Variants in NLRP3 observed in about 807,000 individuals in gnomAD.
The protein encoded by NLRP3 is NACHT, LRR and PYD domains-containing protein 3.
NLRP3 carries 48 observed loss-of-function variants against 91.3 expected under a neutral mutation model. The ratio of observed to expected loss-of-function variants is 0.53; its 90% CI spans 0.42 to 0.67. NLRP3 has a LOEUF of 0.67. NLRP3 is among the 30% of genes least tolerant of loss of function. The probability of loss-of-function intolerance (pLI) is 0.00; values close to 1 mark genes in which losing one functional copy is unlikely to be tolerated. For synonymous variants in NLRP3, 561 were observed against 507.9 expected (o/e 1.10, Z -1.41); for missense variants, 982 against 1,276.9 (o/e 0.77, Z 3.52).
chr1:247,445,040 T>G (rs1308464014), intron 9 of NLRP3, among the ~76,000 whole-genome samples: 1 of 152,066 alleles, frequency 6.6e-6, no homozygotes, highest in Non-Finnish European at 1.5e-5. Context: ...CTAAGCTGGA[T>G]TTCACCCACA....
chr1:247,440,095 G>A (rs573561343), intron 7 of NLRP3, among the ~76,000 whole-genome samples: 3 of 24,512 alleles, frequency 1.2e-4, no homozygotes, highest in South Asian at 2.4e-3. Flanking sequence ...TATAGCCTAC[G>A]TGTTAGGTAT....
At chr1:247,429,884 C>G in intron 5 of NLRP3, 129 bp downstream of exon 5, 3 of 1,257,070 alleles carry the variant, frequency 2.4e-6, no homozygotes, top group East Asian at 2.5e-5. Context: ...TTCTTTTTTT[C>G]TTTTTTTGAG....
intron 9 of NLRP3, among the ~76,000 whole-genome samples, chr1:247,445,728 T>G (rs1432342160): frequency 6.6e-6 from 1 of 152,196 alleles, no homozygotes; most frequent in East Asian, 1.9e-4. Flanking sequence ...AAGGCCAACA[T>G]GCTCTCCTGG....
chr1:247,444,827 T>A lies in NLRP3; in HGVS notation c.3005+6T>A. ...TGCCTCCTGCAGAACCTGGGGTGAG[T>A]GTGCTCTGCAGAGATGCCCGTGGTG... On this transcript the variant is annotated splice_donor_region_variant and intron_variant, in intron 9 of 9. Transcript: ENST00000336119. The A allele has an allele frequency of 6.2e-7, 1 of 1,613,518 alleles. No individual in the cohort carries two copies. Among genetic ancestry groups the A allele is most frequent in the East Asian group, 2.2e-5 (1 of 44,880 alleles).
At chr1:247,437,506 C>T (rs974725945) in intron 7 of NLRP3, among the ~76,000 whole-genome samples, 4 of 152,176 alleles carry the variant, frequency 2.6e-5, no homozygotes, top group Admixed American at 2.6e-4. Context: ...ATTTCCTCGC[C>T]TTAGGGTATT....
Position 247,448,151 on chromosome 1 carries a change from AGCACCG to A in NLRP3, c.3006-251_3006-246del, listed in dbSNP as rs1450833329. Among the ~76,000 whole-genome samples the A allele has an allele frequency of 4.6e-5, 7 of 151,566 alleles. No homozygotes were observed. The South Asian group carries it at 1.0e-3, about 23-fold the overall frequency. ...GCTCCCAGTGACGAAGGACACGACG[AGCACCG>A]GCTCCTTGGCCCAGGCATTCTTGAA... On this transcript the variant is annotated intron_variant, in intron 9 of 9. Coordinates refer to ENST00000336119, the MANE Select transcript of NLRP3 (RefSeq NM_001243133.2).
chr1:247,419,571 T>C (rs1308629048), intron 2 of NLRP3, among the ~76,000 whole-genome samples: 1 of 152,206 alleles, frequency 6.6e-6, no homozygotes, highest in African/African-American at 2.4e-5. Flanking sequence ...GAATGATAAC[T>C]CCTCATTGCC....
At chr1:247,428,663 A>C (rs1421302100) in intron 4 of NLRP3, among the ~76,000 whole-genome samples, 1 of 152,134 alleles carries the variant, frequency 6.6e-6, no homozygotes, top group Non-Finnish European at 1.5e-5. Context: ...TAAATAAAAA[A>C]GATCCATATA....
chr1:247,429,557 TTCTG>T lies in NLRP3; in HGVS notation c.2151-20_2151-17del, dbSNP rs375545968. On this transcript the variant is annotated intron_variant, in intron 4 of 9. Transcript: ENST00000336119. ...AGTTATTATTCGAGGCTGATTTCTT[TTCTG>T]TCTGTCTTCCTTCTAATTCCTAGAT... 1.6e-5 allele frequency: 26 copies of T among 1,613,684 alleles called. No individual in the cohort carries two copies. In the South Asian group the frequency reaches 2.7e-4, roughly 17 times the overall value.
chr1:247,425,575 C>T lies in NLRP3; in HGVS notation c.2126C>T (p.Ser709Phe). The T allele has an allele frequency of 6.2e-7, 1 of 1,608,602 alleles. No homozygotes were observed. Among genetic ancestry groups the T allele is most frequent in the Non-Finnish European group, 8.5e-7 (1 of 1,180,006 alleles). The change falls in exon 4 of 10, where the codon TCC becomes TTC. Residue 709 changes from serine to phenylalanine, a missense_variant. By Grantham distance (155) the Ser-to-Phe change is radical. Transcript: ENST00000336119. This position sits in a 1 kb window ranked among gnomAD's most constrained non-coding sequence, Gnocchi z 4.1. ...LDMVQCVLPS[S>F]SHAACSHGLV... is the part of the protein sequence containing the mutation. Reference sequence around the variant, plus strand: ...ATGGTGCAGTGTGTCCTCCCAAGCTCCTCTCATGCTGCCTGTTCTCATGGG... The same window carrying T: ...ATGGTGCAGTGTGTCCTCCCAAGCTTCTCTCATGCTGCCTGTTCTCATGGG...
chr1:247,439,657 T>G lies in NLRP3; in HGVS notation c.2663+3517T>G, dbSNP rs533211581. On this transcript the variant is annotated intron_variant, in intron 7 of 9. Transcript: ENST00000336119. ...TACTGGGGCCTAGGACTTCCACATA[T>G]AAAGTCTTAGAGGAAACAATTCAAT... is the stretch of plus-strand genomic sequence containing the variant. 6.6e-5 allele frequency among the ~76,000 whole-genome samples: 10 copies of G among 152,320 alleles called. No homozygotes were observed. The East Asian group carries it at 1.9e-3, about 29-fold the overall frequency.
At chr1:247,448,291 A>AC (rs1273316520) in intron 9 of NLRP3, 114 bp from the exon 10 acceptor site, 47 of 243,726 alleles carry the variant, frequency 1.9e-4, no homozygotes, top group Non-Finnish European at 2.7e-4. Flanking sequence ...TTTTTTTTTT[A>AC]CATTTTAGAA....
rs1662667113 is a variant in NLRP3 at position 247,423,993 on chromosome 1, GA to G, written c.545del (p.Glu182GlyfsTer17). 1 of 1,613,922 alleles carries G rather than the reference GA, an allele frequency of 6.2e-7. No individual in the cohort carries two copies. The highest frequency in any genetic ancestry group is 8.5e-7 in the Non-Finnish European group (1 of 1,180,002). ...GGAGCACCGGAGCCAGCAGGAGAGG[GA>G]GCAGGAGCTTCTGGCCATCGGCAAG... ...IKEHRSQQER[E>X]QELLAIGKTK... On this transcript the variant is annotated frameshift_variant, in exon 4 of 10. Coordinates refer to ENST00000336119, the MANE Select transcript of NLRP3 (RefSeq NM_001243133.2). LOFTEE classifies it high-confidence loss of function.
In NLRP3 at chr1:247,424,976, A is replaced by G. The variant is rs1417609762; in HGVS notation, c.1527A>G (p.Glu509=). 6.2e-7 allele frequency: 1 copy of G among 1,614,088 alleles called. No homozygotes were observed. The highest frequency in any genetic ancestry group is 1.3e-5 in the African/African-American group (1 of 74,924). The change falls in exon 4 of 10, where the codon GAA becomes GAG. Residue 509 remains glutamate (E), a synonymous_variant. Transcript: ENST00000336119. This position sits in a 1 kb window ranked among gnomAD's most constrained non-coding sequence, Gnocchi z 8.1. The stretch of plus-strand genomic sequence containing the variant: ...TGAGGATGAACCTGTTCCAAAAGGA[A>G]GTGGACTGCGAGAAGTTCTACAGCT... ...AFLRMNLFQK[E]VDCEKFYSFI... is the part of the protein sequence containing the mutation.
At position 247,444,026 on chromosome 1, in the gene NLRP3, C is replaced by T; in HGVS notation, c.2718C>T (p.Leu906=). ...GTTGTTCAGCTTTGTCCTCGGTACT[C>T]AGCACTAATCAGAATCTCACGCACC... ...SVCCSALSSV[L]STNQNLTHLY... The change falls in exon 8 of 10, where the codon CTC becomes CTT. Residue 906 remains leucine, a synonymous_variant. Transcript: ENST00000336119. The T allele has an allele frequency of 6.2e-7, 1 of 1,614,152 alleles. No individual in the cohort carries two copies.
chr1:247,447,910 C>G (rs1195118446), intron 9 of NLRP3, among the ~76,000 whole-genome samples: 1 of 152,026 alleles, frequency 6.6e-6, no homozygotes, highest in East Asian at 1.9e-4. Flanking sequence ...GTAATGGACA[C>G]AGGGGGTTCA....
chr1:247,438,948 G>C (rs1024374738), intron 7 of NLRP3, among the ~76,000 whole-genome samples: 1 of 151,962 alleles, frequency 6.6e-6, no homozygotes, highest in African/African-American at 2.4e-5. Context: ...ACAATAGATT[G>C]TTATATAATC....
intron 7 of NLRP3, among the ~76,000 whole-genome samples, chr1:247,437,370 C>G (rs1297438584): frequency 6.6e-6 from 1 of 152,162 alleles, no homozygotes. Context: ...GAGGAGTAAT[C>G]CACTAATCCA....
At chr1:247,430,328 C>T (rs920947679) in intron 5 of NLRP3, among the ~76,000 whole-genome samples, 1 of 152,160 alleles carries the variant, frequency 6.6e-6, no homozygotes, top group Non-Finnish European at 1.5e-5. Context: ...TTTGTAGATG[C>T]CCCCTTCTCC....
Sources: gnomAD v4.1 joint callset for allele counts (sites outside exome capture counted in the v4.1 genomes callset) on GRCh38, gnomAD v4.1.1 for gene constraint, Gnocchi (gnomAD v3.1) non-coding constraint, MANE v1.5 for transcripts, NCBI Gene and HGNC (gene_info 2026-07-23, HGNC 2026-07-21) for gene names.